CALN1: variants seen among roughly 807,000 people sequenced by gnomAD.
CALN1 encodes the protein calcium-binding protein 8.
A neutral mutation model predicts 30.6 loss-of-function variants in CALN1; 17 were observed. That is an observed-to-expected ratio of 0.56 (90% confidence interval 0.38 to 0.83). The LOEUF (loss-of-function observed/expected upper bound fraction) is 0.83, where lower values mean the gene tolerates loss of function less well. Ranked by LOEUF, CALN1 falls within the 40% of genes least tolerant of loss-of-function variation. The pLI, the probability that CALN1 is intolerant of heterozygous loss-of-function variation, is 0.00. For missense variants in CALN1, 291 were observed against 354.9 expected (o/e 0.82, Z 1.45); for synonymous variants, 156 against 131.4 (o/e 1.19, Z -1.28).
intron 1 of CALN1, among the ~76,000 whole-genome samples, chr7:72,408,454 A>C (rs1309730804): frequency 6.6e-6 from 1 of 151,720 alleles, no homozygotes; most frequent in Non-Finnish European, 1.5e-5. Flanking sequence ...AAAATTAAAC[A>C]CACACACAGA....
chr7:71,807,473 C>A (rs927543581), intron 6 of CALN1, among the ~76,000 whole-genome samples: 1 of 152,174 alleles, frequency 6.6e-6, no homozygotes, highest in African/African-American at 2.4e-5. Context: ...AATCAACGAG[C>A]TTGTGTCTGG....
chr7:72,057,050 C>G (rs1803300867), intron 4 of CALN1, among the ~76,000 whole-genome samples: 1 of 152,076 alleles, frequency 6.6e-6, no homozygotes, highest in Admixed American at 6.6e-5. Context: ...AAGTGCCCCT[C>G]CTGCCTCAGC....
At chr7:72,464,080 A>AAAAG in the CALN1 span, among the ~76,000 whole-genome samples, 155 of 150,344 alleles carry the variant, frequency 1.0e-3, 1 homozygote, top group East Asian at 2.5e-3. Flanking sequence ...AGAAGAAAGA[A>AAAAG]AAAGAAAGAA....
At chr7:71,948,593 G>C (rs1319255675) in intron 5 of CALN1, among the ~76,000 whole-genome samples, 2 of 152,096 alleles carry the variant, frequency 1.3e-5, no homozygotes, top group Middle Eastern at 6.8e-3. Flanking sequence ...AGCCAGGCAT[G>C]GTGGTGCATT....
intron 3 of CALN1, among the ~76,000 whole-genome samples, chr7:72,209,189 T>TTTCCTTCCCTCCTTCCCTCC (rs1562739550): frequency 5.0e-5 from 1 of 19,948 alleles, no homozygotes; most frequent in Non-Finnish European, 9.9e-5. Flanking sequence ...TCCTTCCCTC[T>TTTCCTTCCCTCCTTCCCTCC]TTCCTTCCCT....
intron 2 of CALN1, among the ~76,000 whole-genome samples, chr7:72,391,469 C>G (rs1805573471): frequency 8.2e-6 from 1 of 122,198 alleles, no homozygotes; most frequent in African/African-American, 2.5e-5. Context: ...CAAAAGGACC[C>G]AGCATGATGA....
rs1491141581 is a variant in CALN1, at chr7:72,054,446, T to TATATAC, written c.389-30678_389-30677insGTATAT. Among the ~76,000 whole-genome samples, 140 of 47,444 alleles carry TATATAC rather than the reference T, an allele frequency of 3.0e-3. 8 individuals carry two copies. The highest frequency in any genetic ancestry group is 0.013 in the Middle Eastern group (1 of 76). 31.1% of individuals were successfully genotyped at this position (47,444 alleles called of 152,430 possible). ...GTATATATACACGTATATATATATA[T>TATATAC]ACATATATATACATATATATACATA... On this transcript the variant is annotated intron_variant, in intron 4 of 6. Coordinates refer to ENST00000395275, the MANE Select transcript of CALN1 (RefSeq NM_031468.4).
At chr7:71,888,790 C>G (rs1350151710) in intron 5 of CALN1, among the ~76,000 whole-genome samples, 1 of 151,928 alleles carries the variant, frequency 6.6e-6, no homozygotes, top group Non-Finnish European at 1.5e-5. Context: ...GGGGCCCATT[C>G]CTAGAGGAGA....
At chr7:71,905,228 C>T (rs761359026) in intron 5 of CALN1, among the ~76,000 whole-genome samples, 34 of 152,078 alleles carry the variant, frequency 2.2e-4, no homozygotes, top group Non-Finnish European at 3.2e-4. Context: ...TGTGAGCCAT[C>T]GTGCCTGGCC....
intron 3 of CALN1, among the ~76,000 whole-genome samples, chr7:72,173,776 T>G (rs192767362): frequency 2.0e-5 from 3 of 152,110 alleles, no homozygotes; most frequent in African/African-American, 7.2e-5. Context: ...TCATCTTGTA[T>G]GTAAAAATGA....
At chr7:72,374,701 A>T (rs1356616899) in intron 2 of CALN1, among the ~76,000 whole-genome samples, 1 of 152,196 alleles carries the variant, frequency 6.6e-6, no homozygotes, top group African/African-American at 2.4e-5. Flanking sequence ...GAACAAGGAA[A>T]TGGTATCCCC....
chr7:72,021,401 G>A (rs1800700599), intron 5 of CALN1, among the ~76,000 whole-genome samples: 1 of 152,100 alleles, frequency 6.6e-6, no homozygotes, highest in Admixed American at 6.5e-5. Flanking sequence ...GACCTCCATG[G>A]GTCAAAAGAT....
At chr7:72,288,418 C>A (rs1366274107) in intron 2 of CALN1, among the ~76,000 whole-genome samples, 2 of 152,114 alleles carry the variant, frequency 1.3e-5, no homozygotes, top group Non-Finnish European at 2.9e-5. Flanking sequence ...TTGGAAATCA[C>A]ACATCATCAC....
intron 2 of CALN1, among the ~76,000 whole-genome samples, chr7:72,299,134 G>A (rs10228688): frequency 0.27 from 41,469 of 152,004 alleles, 6,646 homozygotes; most frequent in Non-Finnish European, 0.36. Flanking sequence ...AGACCAGACA[G>A]CATATGGGCA....
intron 2 of CALN1, among the ~76,000 whole-genome samples, chr7:72,387,435 A>T (rs1187797084): frequency 6.6e-6 from 1 of 152,150 alleles, no homozygotes. Context: ...TACAGTACGG[A>T]AAGAGGGAAA....
In CALN1 at chr7:72,404,687, T is replaced by G. The variant is rs112960380; in HGVS notation, c.-73-1245A>C. Among the ~76,000 whole-genome samples, 1,084 of 152,262 alleles carry G rather than the reference T, an allele frequency of 7.1e-3. 10 individuals carry two copies. The highest frequency in any genetic ancestry group is 0.025 in the African/African-American group (1,034 of 41,550). ...CCTCTTTCTACTCTCTCGATTCTGG[T>G]GAGAGGTGCATGCTCATGCCTGGGA... On this transcript the variant is annotated intron_variant, in intron 1 of 6. Transcript: ENST00000395275.
chr7:72,336,507 C>T (rs1003142768), intron 2 of CALN1, among the ~76,000 whole-genome samples: 5 of 152,106 alleles, frequency 3.3e-5, no homozygotes, highest in Admixed American at 6.5e-5. Context: ...GGCGCGGCCC[C>T]CAGCCCGCGG....
chr7:72,141,299 G>GA (rs1413756309), intron 3 of CALN1, among the ~76,000 whole-genome samples: 1 of 144,266 alleles, frequency 6.9e-6, no homozygotes, highest in East Asian at 1.9e-4. Flanking sequence ...CTTAAAAAAA[G>GA]AAAAGAAAAA....
chr7:72,024,214 C>T (rs954992940), intron 4 of CALN1, among the ~76,000 whole-genome samples: 1 of 152,148 alleles, frequency 6.6e-6, no homozygotes, highest in South Asian at 2.1e-4. Context: ...TTCCTCATTA[C>T]TCAATGGCTA....
Sources: gnomAD v4.1 joint callset for allele counts (sites outside exome capture counted in the v4.1 genomes callset) on GRCh38, gnomAD v4.1.1 for gene constraint, MANE v1.5 for transcripts, NCBI Gene and HGNC (gene_info 2026-07-23, HGNC 2026-07-21) for gene names.